The following DOCK3 variants were observed in gnomAD, a reference collection of about 807,000 sequenced individuals.
DOCK3 encodes the protein dedicator of cytokinesis 3.
DOCK3 carries 60 observed loss-of-function variants against 265.6 expected under a neutral mutation model. The ratio of observed to expected loss-of-function variants is 0.23; its 90% CI spans 0.18 to 0.28. The LOEUF (loss-of-function observed/expected upper bound fraction) is 0.28, where lower values mean the gene tolerates loss of function less well. DOCK3 is among the 10% of genes least tolerant of loss of function. The probability of loss-of-function intolerance (pLI) is 1.00; values close to 1 mark genes in which losing one functional copy is unlikely to be tolerated. For missense variants in DOCK3, 1,981 were observed against 2,594.3 expected (o/e 0.76, Z 5.14); for synonymous variants, 881 against 938.0 (o/e 0.94, Z 1.11).
intron 5 of DOCK3, among the ~76,000 whole-genome samples, chr3:51,024,580 A>C (rs1332144103): frequency 6.6e-6 from 1 of 152,194 alleles, no homozygotes; most frequent in Non-Finnish European, 1.5e-5. Context: ...TCCACCTCAC[A>C]GCTTTACTGT....
intron 12 of DOCK3, among the ~76,000 whole-genome samples, chr3:51,188,863 T>C (rs2087772335): frequency 6.6e-6 from 1 of 152,228 alleles, no homozygotes; most frequent in South Asian, 2.1e-4. Context: ...CTTAGATTGA[T>C]TCCATATCTT....
chr3:50,731,486 G>T (rs1161732762), intron 1 of DOCK3, among the ~76,000 whole-genome samples: 2 of 152,156 alleles, frequency 1.3e-5, no homozygotes, highest in African/African-American at 4.8e-5. Context: ...TACATGTGTA[G>T]GGGAAAGGGT....
intron 5 of DOCK3, among the ~76,000 whole-genome samples, chr3:50,937,394 C>A (rs1444010296): frequency 1.3e-5 from 2 of 152,016 alleles, no homozygotes; most frequent in Non-Finnish European, 2.9e-5. Context: ...GTGGCTCACG[C>A]CTGTAATCCC....
intron 3 of DOCK3, among the ~76,000 whole-genome samples, chr3:50,868,901 GTTTT>G (rs147898866): frequency 6.3e-4 from 9 of 14,268 alleles, no homozygotes; most frequent in African/African-American, 1.5e-3. Flanking sequence ...TGGATAATCT[GTTTT>G]TTTTTTTTTT....
chr3:51,368,241 C>T (rs959207681), intron 49 of DOCK3, among the ~76,000 whole-genome samples: 9 of 152,258 alleles, frequency 5.9e-5, no homozygotes, highest in South Asian at 2.1e-4. Context: ...GTGCAGCCCA[C>T]GGAGCAGGGC....
chr3:51,287,386 A>C (rs1282091756), intron 27 of DOCK3, among the ~76,000 whole-genome samples: 1 of 151,726 alleles, frequency 6.6e-6, no homozygotes, highest in East Asian at 1.9e-4. Flanking sequence ...CCATCTTGAC[A>C]AAAAAAATAA....
At chr3:51,277,021 C>G (rs777399900) in intron 25 of DOCK3, among the ~76,000 whole-genome samples, 3 of 152,116 alleles carry the variant, frequency 2.0e-5, no homozygotes, top group Non-Finnish European at 4.4e-5. Flanking sequence ...CCCTGTAACA[C>G]GAGCAAGAGA....
At chr3:51,074,817 C>T (rs187274809) in intron 6 of DOCK3, among the ~76,000 whole-genome samples, 107 of 152,060 alleles carry the variant, frequency 7.0e-4, no homozygotes, top group African/African-American at 2.4e-3. Flanking sequence ...TCCTGCGTAA[C>T]AAACCTGCAC....
chr3:51,360,723 T>C (rs2086671542), intron 47 of DOCK3, 91 bp downstream of exon 47: 1 of 1,537,492 alleles, frequency 6.5e-7, no homozygotes, highest in Non-Finnish European at 8.8e-7. Flanking sequence ...TATACTCATA[T>C]TCCCTCTTAC....
At chr3:51,103,520 C>T (rs1184999385) in intron 9 of DOCK3, among the ~76,000 whole-genome samples, 2 of 152,126 alleles carry the variant, frequency 1.3e-5, no homozygotes, top group Admixed American at 1.3e-4. Context: ...TAAATCTACC[C>T]TCAAAAAATT....
chr3:50,958,587 G>A (rs1156876085), intron 5 of DOCK3, among the ~76,000 whole-genome samples: 12 of 152,216 alleles, frequency 7.9e-5, no homozygotes, highest in Non-Finnish European at 1.5e-5. Flanking sequence ...ATGGTGGGCA[G>A]TGCTGAGCAT....
At chr3:51,068,351 T>A (rs988788715) in intron 6 of DOCK3, among the ~76,000 whole-genome samples, 4 of 151,698 alleles carry the variant, frequency 2.6e-5, no homozygotes, top group African/African-American at 9.7e-5. Flanking sequence ...CCATCCTGGC[T>A]AACACGGTGA....
intron 12 of DOCK3, among the ~76,000 whole-genome samples, chr3:51,203,191 TA>T (rs1398172986): frequency 6.6e-6 from 1 of 151,972 alleles, no homozygotes; most frequent in African/African-American, 2.4e-5. Flanking sequence ...GAGAAGGAAA[TA>T]AAGGGTATTC....
intron 21 of DOCK3, among the ~76,000 whole-genome samples, chr3:51,238,119 CTTTTTTTTTTTTTTTTTTTTTTTTTT>C (rs747331452): frequency 4.2e-5 from 2 of 47,438 alleles, no homozygotes; most frequent in South Asian, 2.0e-3. Context: ...ATATTTACCA[CTTTTTTTTTTTTTTTTTTTTTTTTTT>C]TTTTTTTTTT....
At chr3:50,873,886 G>A (rs1373460829) in intron 3 of DOCK3, among the ~76,000 whole-genome samples, 1 of 152,154 alleles carries the variant, frequency 6.6e-6, no homozygotes, top group East Asian at 1.9e-4. Flanking sequence ...ATACAGAATT[G>A]TTTTCTGCAC....
At chr3:50,763,943 A>G (rs1287143302) in intron 1 of DOCK3, among the ~76,000 whole-genome samples, 1 of 152,192 alleles carries the variant, frequency 6.6e-6, no homozygotes, top group Non-Finnish European at 1.5e-5. Flanking sequence ...AATGGTCTTG[A>G]ACAAGTTTAT....
chr3:50,887,346 A>G (rs2048397952), intron 3 of DOCK3, among the ~76,000 whole-genome samples: 1 of 145,174 alleles, frequency 6.9e-6, no homozygotes, highest in African/African-American at 2.6e-5. Context: ...GCCAATAACA[A>G]GTTCTGAAAT....
intron 1 of DOCK3, among the ~76,000 whole-genome samples, chr3:50,750,887 C>T (rs2039755872): frequency 6.6e-6 from 1 of 152,138 alleles, no homozygotes; most frequent in African/African-American, 2.4e-5. Flanking sequence ...GACAGATTTG[C>T]TCTAAGAGAT....
chr3:50,880,756 A>C (rs1318673248), intron 3 of DOCK3, among the ~76,000 whole-genome samples: 1 of 152,208 alleles, frequency 6.6e-6, no homozygotes, highest in African/African-American at 2.4e-5. Context: ...AAAAAGTGGG[A>C]ATCCTCCCTA....
Sources: gnomAD v4.1 joint callset for allele counts (sites outside exome capture counted in the v4.1 genomes callset) on GRCh38, gnomAD v4.1.1 for gene constraint, MANE v1.5 for transcripts, NCBI Gene and HGNC (gene_info 2026-07-23, HGNC 2026-07-21) for gene names.